The following PRKG1 variants were observed in gnomAD, a reference collection of about 807,000 sequenced individuals.
The protein encoded by PRKG1 is cGMP-dependent protein kinase 1.
PRKG1 carries 35 observed loss-of-function variants against 88.1 expected under a neutral mutation model. The ratio of observed to expected loss-of-function variants is 0.40; its 90% CI spans 0.30 to 0.53. The LOEUF (loss-of-function observed/expected upper bound fraction) is 0.53, where lower values mean the gene tolerates loss of function less well. Ranked by LOEUF, PRKG1 falls within the 20% of genes least tolerant of loss-of-function variation. PRKG1 has a pLI of 0.59. For synonymous variants in PRKG1, 303 were observed against 292.5 expected, an observed-to-expected ratio of 1.04 and a Z score of -0.37; for missense variants, 540 against 839.8, an observed-to-expected ratio of 0.64 and a Z score of 4.41.
intron 5 of PRKG1, among the ~76,000 whole-genome samples, chr10:52,049,733 G>T (rs1255808524): frequency 2.6e-5 from 4 of 152,044 alleles, no homozygotes; most frequent in Non-Finnish European, 4.4e-5. Flanking sequence ...GTTGGAAGTA[G>T]AAGCCTTTCT....
At chr10:52,070,244 T>C (rs1846463038) in intron 7 of PRKG1, among the ~76,000 whole-genome samples, 2 of 152,256 alleles carry the variant, frequency 1.3e-5, no homozygotes, top group African/African-American at 4.8e-5. Context: ...TTTGAAGAGA[T>C]GATTGGTTTA....
intron 3 of PRKG1, among the ~76,000 whole-genome samples, chr10:51,753,752 C>T (rs1484903236): frequency 6.6e-6 from 1 of 152,152 alleles, no homozygotes; most frequent in Non-Finnish European, 1.5e-5. Flanking sequence ...TAGGTTGACT[C>T]TGCTTCAATT....
chr10:52,144,822 CAAAAAT>C (rs768656500), intron 8 of PRKG1, among the ~76,000 whole-genome samples: 1 of 150,396 alleles, frequency 6.6e-6, no homozygotes, highest in Non-Finnish European at 1.5e-5. Flanking sequence ...GCTCAAGACA[CAAAAAT>C]AAAAATAAAA....
chr10:51,218,650 A>G (rs1044517469), intron 2 of PRKG1, among the ~76,000 whole-genome samples: 1 of 151,076 alleles, frequency 6.6e-6, no homozygotes, highest in Non-Finnish European at 1.5e-5. Context: ...ATAAACACCA[A>G]TGCATAGAAA....
intron 3 of PRKG1, among the ~76,000 whole-genome samples, chr10:51,558,202 G>A (rs1357984447): frequency 6.6e-6 from 1 of 152,008 alleles, no homozygotes; most frequent in Non-Finnish European, 1.5e-5. Flanking sequence ...TTTCAATTGT[G>A]TGGGATGTTT....
intron 7 of PRKG1, among the ~76,000 whole-genome samples, chr10:52,069,310 C>G (rs1417618088): frequency 6.6e-6 from 1 of 151,978 alleles, no homozygotes; most frequent in African/African-American, 2.4e-5. Context: ...GCAGGCAAAC[C>G]ACTTGAGGTC....
At chr10:51,411,531 GGGGGACGAGGT>G (rs1257027081) in intron 2 of PRKG1, among the ~76,000 whole-genome samples, 5 of 152,212 alleles carry the variant, frequency 3.3e-5, no homozygotes, top group Admixed American at 1.3e-4. Context: ...GATAATGGCA[GGGGGACGAGGT>G]GGAGAGTAAC....
At chr10:51,605,790 G>T (rs1388539992) in intron 3 of PRKG1, among the ~76,000 whole-genome samples, 1 of 152,140 alleles carries the variant, frequency 6.6e-6, no homozygotes, top group African/African-American at 2.4e-5. Flanking sequence ...AATTTTGGGG[G>T]AGCCAATAGA....
At chr10:51,123,921 C>T (rs571047651) in intron 1 of PRKG1, among the ~76,000 whole-genome samples, 23 of 151,950 alleles carry the variant, frequency 1.5e-4, no homozygotes, top group Non-Finnish European at 2.2e-4. Context: ...GTACTTTTAA[C>T]GGGCCAGACC....
chr10:51,820,164 C>T (rs7918563), intron 4 of PRKG1, among the ~76,000 whole-genome samples: 12,119 of 152,142 alleles, frequency 0.08, 1,183 homozygotes, highest in African/African-American at 0.23. Flanking sequence ...TTATGTACAA[C>T]TGTTATATGC....
chr10:51,476,416 TTC>T (rs1416779263), intron 3 of PRKG1, among the ~76,000 whole-genome samples: 1 of 152,034 alleles, frequency 6.6e-6, no homozygotes, highest in African/African-American at 2.4e-5. Context: ...AAGCTAAGTA[TTC>T]TTTACTGCTT....
At chr10:50,992,587 C>T (rs1344655827) in intron 1 of PRKG1, among the ~76,000 whole-genome samples, 1 of 152,092 alleles carries the variant, frequency 6.6e-6, no homozygotes, top group Non-Finnish European at 1.5e-5. Flanking sequence ...GGGCTCCTTC[C>T]TTTCCTCCTC....
At chr10:51,360,208 C>G (rs1842450577) in intron 2 of PRKG1, among the ~76,000 whole-genome samples, 1 of 151,898 alleles carries the variant, frequency 6.6e-6, no homozygotes, top group Admixed American at 6.6e-5. Flanking sequence ...CCTGCTGATA[C>G]TGGAGATGTA....
chr10:52,188,290 G>GTA (rs1194084240), intron 9 of PRKG1, among the ~76,000 whole-genome samples: 472 of 14,296 alleles, frequency 0.033, 30 homozygotes, highest in African/African-American at 0.14. Flanking sequence ...ATATATATGT[G>GTA]TATATATATA....
At chr10:51,168,615 A>C (rs1447422890) in intron 2 of PRKG1, among the ~76,000 whole-genome samples, 1 of 152,210 alleles carries the variant, frequency 6.6e-6, no homozygotes, top group Admixed American at 6.6e-5. Flanking sequence ...GCCTTAAGCC[A>C]TATGACTTGA....
chr10:51,920,438 C>T (rs1842439766), intron 5 of PRKG1, among the ~76,000 whole-genome samples: 1 of 152,120 alleles, frequency 6.6e-6, no homozygotes, highest in South Asian at 2.1e-4. Flanking sequence ...TTCCCAGTTA[C>T]AGTTTAGTGC....
chr10:51,126,156 T>A (rs9415726), intron 1 of PRKG1, among the ~76,000 whole-genome samples: 94,231 of 117,112 alleles, frequency 0.8, 38,353 homozygotes, highest in Middle Eastern at 0.88. Flanking sequence ...TTATATAATT[T>A]TTTATATGTA....
intron 7 of PRKG1, among the ~76,000 whole-genome samples, chr10:52,108,169 C>T (rs1847469691): frequency 2.6e-5 from 4 of 152,160 alleles, no homozygotes; most frequent in Admixed American, 2.6e-4. Flanking sequence ...AATATTGACT[C>T]CAGTTTTTCT....
intron 2 of PRKG1, among the ~76,000 whole-genome samples, chr10:51,243,659 G>A (rs1329442497): frequency 1.3e-5 from 2 of 152,136 alleles, no homozygotes; most frequent in Non-Finnish European, 2.9e-5. Context: ...CATGGCATGG[G>A]CAGTTTCATT....
Sources: allele counts gnomAD v4.1 joint callset (sites outside exome capture counted in the v4.1 genomes callset), GRCh38; gene constraint gnomAD v4.1.1; transcripts MANE v1.5; gene names NCBI Gene and HGNC (gene_info 2026-07-23, HGNC 2026-07-21).